ITGB3BP: variants seen among roughly 807,000 people sequenced by gnomAD.
ITGB3BP encodes integrin subunit beta 3 binding protein, also known as centromere protein R.
A neutral mutation model predicts 29.1 loss-of-function variants in ITGB3BP; 27 were observed. The observed-to-expected ratio is 0.93, with a 90% CI of 0.68 to 1.28. ITGB3BP has a LOEUF of 1.28. Ranked by LOEUF, ITGB3BP falls within the 50% of genes most tolerant of loss-of-function variation. ITGB3BP has a pLI of 0.00. For missense variants in ITGB3BP, 192 were observed against 200.2 expected (o/e 0.96, Z 0.25); for synonymous variants, 61 against 61.4 (o/e 0.99, Z 0.03).
At chr1:63,517,260 C>T (rs969530731) in intron 1 of ITGB3BP, among the ~76,000 whole-genome samples, 1 of 151,866 alleles carries the variant, frequency 6.6e-6, no homozygotes, top group African/African-American at 2.4e-5. Context: ...TTGGTGAGAA[C>T]TAACATTTTA....
At chr1:63,509,206 A>G (rs1227015896) in intron 1 of ITGB3BP, among the ~76,000 whole-genome samples, 3 of 152,230 alleles carry the variant, frequency 2.0e-5, no homozygotes, top group African/African-American at 7.2e-5. Flanking sequence ...CTGTTCTGCT[A>G]AACTGGATGC....
intron 1 of ITGB3BP, among the ~76,000 whole-genome samples, chr1:63,508,967 T>C (rs536995298): frequency 1.3e-5 from 2 of 152,284 alleles, no homozygotes; most frequent in African/African-American, 2.4e-5. Context: ...AGTGGAGATG[T>C]TGAAAGTACA....
chr1:63,502,444 T>C (rs1645954816), intron 2 of ITGB3BP, among the ~76,000 whole-genome samples: 1 of 151,842 alleles, frequency 6.6e-6, no homozygotes, highest in Non-Finnish European at 1.5e-5. Context: ...GAAAAAGAGG[T>C]TTAATTGCAC....
intron 3 of ITGB3BP, among the ~76,000 whole-genome samples, chr1:63,484,869 T>C (rs561976824): frequency 2.7e-4 from 41 of 152,226 alleles, no homozygotes; most frequent in Non-Finnish European, 4.1e-4. Flanking sequence ...TCCTGTCATA[T>C]TTCATTATGT....
At chr1:63,493,088 A>ACACATGCGCG (rs372348238) in intron 2 of ITGB3BP, among the ~76,000 whole-genome samples, 1 of 148,726 alleles carries the variant, frequency 6.7e-6, no homozygotes, top group African/African-American at 2.5e-5. Context: ...ACACACACAC[A>ACACATGCGCG]CGCGCGCGCG....
At chr1:63,512,981 A>T (rs558218694) in intron 1 of ITGB3BP, among the ~76,000 whole-genome samples, 1 of 152,206 alleles carries the variant, frequency 6.6e-6, no homozygotes, top group South Asian at 2.1e-4. Context: ...CTATCCCTCA[A>T]TTTGGGCCTA....
At chr1:63,472,912 A>ATT (rs1645233740) in intron 4 of ITGB3BP, among the ~76,000 whole-genome samples, 1 of 151,850 alleles carries the variant, frequency 6.6e-6, no homozygotes, top group South Asian at 2.1e-4. Context: ...CTGGGAAGTG[A>ATT]GGAGCGTCTC....
At chr1:63,486,407 A>G (rs1343569263) in intron 3 of ITGB3BP, among the ~76,000 whole-genome samples, 6 of 152,036 alleles carry the variant, frequency 3.9e-5, no homozygotes, top group Admixed American at 2.6e-4. Flanking sequence ...AAACTTAACT[A>G]CCAATAGCCT....
At chr1:63,502,951 G>T (rs1024117268) in intron 2 of ITGB3BP, among the ~76,000 whole-genome samples, 1 of 152,048 alleles carries the variant, frequency 6.6e-6, no homozygotes, top group African/African-American at 2.4e-5. Context: ...CTTTGCTATT[G>T]TGAATAGTGC....
chr1:63,500,520 C>T (rs550020350), intron 2 of ITGB3BP, among the ~76,000 whole-genome samples: 149 of 152,208 alleles, frequency 9.8e-4, no homozygotes, highest in African/African-American at 3.4e-3. Context: ...AATTATAAAG[C>T]AATTCCATTA....
At chr1:63,473,190 G>A (rs947395423) in intron 4 of ITGB3BP, among the ~76,000 whole-genome samples, 13 of 150,896 alleles carry the variant, frequency 8.6e-5, no homozygotes, top group Non-Finnish European at 1.3e-4. Context: ...GGTGAGGAGC[G>A]TCTCTGCCCG....
intron 3 of ITGB3BP, among the ~76,000 whole-genome samples, chr1:63,483,274 T>C (rs903817648): frequency 7.9e-5 from 12 of 152,186 alleles, no homozygotes; most frequent in African/African-American, 2.7e-4. Context: ...AGCCCTTCCA[T>C]GAAAAGACTG....
chr1:63,488,405 G>A (rs1645574419), intron 3 of ITGB3BP, among the ~76,000 whole-genome samples: 1 of 151,928 alleles, frequency 6.6e-6, no homozygotes, highest in Non-Finnish European at 1.5e-5. Flanking sequence ...AGTGTGATGG[G>A]AAGTGAGTAA....
chr1:63,465,191 A>G (rs1432510407), intron 4 of ITGB3BP, among the ~76,000 whole-genome samples: 1 of 152,210 alleles, frequency 6.6e-6, no homozygotes, highest in Admixed American at 6.5e-5. Flanking sequence ...AAATATTCAG[A>G]AAAGTTTGAG....
chr1:63,476,339 T>G (rs1645340561), intron 4 of ITGB3BP, among the ~76,000 whole-genome samples: 2 of 152,054 alleles, frequency 1.3e-5, no homozygotes, highest in Admixed American at 1.3e-4. Flanking sequence ...AATTTTTGTA[T>G]TTTTAGTAGA....
At chr1:63,468,822 T>C (rs886488815) in intron 4 of ITGB3BP, among the ~76,000 whole-genome samples, 3 of 151,376 alleles carry the variant, frequency 2.0e-5, no homozygotes, top group Non-Finnish European at 4.4e-5. Context: ...GATCGTGCCA[T>C]TGCATTTCAG....
chr1:63,491,370 G>A (rs184673527), intron 2 of ITGB3BP, among the ~76,000 whole-genome samples: 1 of 152,232 alleles, frequency 6.6e-6, no homozygotes, highest in East Asian at 1.9e-4. Context: ...TGCATGCTAC[G>A]AAATTCAGAG....
intron 7 of ITGB3BP, among the ~76,000 whole-genome samples, chr1:63,451,278 G>A (rs1240558245): frequency 2.0e-5 from 3 of 151,668 alleles, no homozygotes; most frequent in Non-Finnish European, 4.4e-5. Flanking sequence ...ACAAGTAATT[G>A]GCTTATTCTA....
intron 3 of ITGB3BP, among the ~76,000 whole-genome samples, chr1:63,483,654 G>A (rs886901900): frequency 1.3e-5 from 2 of 152,078 alleles, no homozygotes; most frequent in Non-Finnish European, 2.9e-5. Flanking sequence ...TGACTCAATA[G>A]TTTTCAATCA....
Sources: allele counts gnomAD v4.1 joint callset (sites outside exome capture counted in the v4.1 genomes callset), GRCh38; gene constraint gnomAD v4.1.1; transcripts MANE v1.5; gene names NCBI Gene and HGNC (gene_info 2026-07-23, HGNC 2026-07-21).